ANKRD54: variants seen among roughly 807,000 people sequenced by gnomAD.
The protein encoded by ANKRD54 is ankyrin repeat domain 54.
ANKRD54 carries 26 observed loss-of-function variants against 36.2 expected under a neutral mutation model. That is an observed-to-expected ratio of 0.72 (90% CI 0.53 to 1.00). ANKRD54 has a LOEUF of 1.00. ANKRD54 is among the 50% of genes least tolerant of loss of function. The pLI is 0.00. For missense variants in ANKRD54, 384 were observed against 424.3 expected (o/e 0.91, Z 0.83); for synonymous variants, 209 against 188.4 (o/e 1.11, Z -0.89).
chr22:37,845,521 G>C (rs955442447), upstream of ANKRD54, among the ~76,000 whole-genome samples: 3 of 152,184 alleles, frequency 2.0e-5, no homozygotes, highest in Non-Finnish European at 4.4e-5. Context: ...CACCGGACCA[G>C]GTCTTGTGTC....
At chr22:37,845,554 A>G (rs16998545), upstream of ANKRD54, among the ~76,000 whole-genome samples, 7,874 of 152,200 alleles carry the variant, frequency 0.052, 653 homozygotes, top group African/African-American at 0.18. Context: ...CTTTCCATAT[A>G]TAAACCCTCC....
intron 3 of ANKRD54, among the ~76,000 whole-genome samples, chr22:37,836,356 G>T (rs1923532542): frequency 1.4e-5 from 2 of 138,602 alleles, no homozygotes; most frequent in Non-Finnish European, 3.0e-5. Context: ...TGAGGCAGGA[G>T]AATCACTTTA....
At chr22:37,839,289 A>G (rs1923927611) in intron 2 of ANKRD54, among the ~76,000 whole-genome samples, 1 of 152,224 alleles carries the variant, frequency 6.6e-6, no homozygotes, top group African/African-American at 2.4e-5. Context: ...GCCTTGAAGG[A>G]TATTCATCAA....
intron 2 of ANKRD54, among the ~76,000 whole-genome samples, chr22:37,839,838 A>G (rs192539805): frequency 1.8e-4 from 28 of 152,300 alleles, no homozygotes; most frequent in South Asian, 2.1e-4. Flanking sequence ...TAAGTTGAGT[A>G]TTCACTCCCA....
chr22:37,833,574 T>A, intron 4 of ANKRD54, 110 bp downstream of exon 4: 1 of 1,173,380 alleles, frequency 8.5e-7, no homozygotes, highest in South Asian at 1.3e-5. Context: ...CCTAGGATCT[T>A]CCCTGACACT....
chr22:37,838,335 A>G (rs1369119305), intron 3 of ANKRD54, among the ~76,000 whole-genome samples, 165 bp downstream of exon 3: 2 of 152,172 alleles, frequency 1.3e-5, no homozygotes, highest in African/African-American at 2.4e-5. Flanking sequence ...TGCCAGTTCC[A>G]CAGGCTAACA....
At chr22:37,844,422 A>G (rs1924702774), upstream of ANKRD54, 2 of 568,792 alleles carry the variant, frequency 3.5e-6, no homozygotes, top group Non-Finnish European at 5.9e-6. Flanking sequence ...CTACCCTTCC[A>G]GCTTAAACCG....
intron 3 of ANKRD54, chr22:37,834,078 C>T: frequency 3.2e-6 from 1 of 311,076 alleles, no homozygotes; most frequent in Non-Finnish European, 6.3e-6. Flanking sequence ...GCTTCTCCCA[C>T]AGCCAAGCAC....
At position 37,837,692 on chromosome 22, in the gene ANKRD54, G is replaced by A. The variant is rs554163689; in HGVS notation, c.475+808C>T. On this transcript the variant is annotated intron_variant, in intron 3 of 7. Coordinates refer to ENST00000215941, the MANE Select transcript of ANKRD54 (RefSeq NM_138797.4). ...GGGTGAATCTCATGGAGATAACTTT[G>A]AGTAAAAGTATGCAAGGCTGGTGCA... Among the ~76,000 whole-genome samples the A allele has an allele frequency of 2.6e-5, 4 of 152,300 alleles. No homozygotes were observed. The South Asian group carries it at 8.3e-4, about 32-fold the overall frequency.
chr22:37,832,973 A>G lies in ANKRD54; in HGVS notation c.705T>C (p.Arg235=). The G allele has an allele frequency of 6.2e-7, 1 of 1,613,824 alleles. No homozygotes were observed. Residue 235 remains arginine, a synonymous_variant, in exon 6 of 8, where the codon CGT becomes CGC. Transcript: ENST00000215941. ...GGGTACTCACCTGCTTCACCTCCAG[A>G]CGCACAGCCTCTAGGCACTGGGCAT... The part of the protein sequence containing the change: ...EGHAQCLEAV[R]LEVKQIIHML...
chr22:37,836,652 G>A (rs893449597), intron 3 of ANKRD54, among the ~76,000 whole-genome samples: 1 of 151,468 alleles, frequency 6.6e-6, no homozygotes, highest in Non-Finnish European at 1.5e-5. Context: ...CGGGTTGATG[G>A]GTACAGAAAA....
upstream of ANKRD54, chr22:37,844,394 A>G (rs1311941213): frequency 1.3e-6 from 1 of 751,524 alleles, no homozygotes; most frequent in Non-Finnish European, 2.0e-6. Context: ...AGGCCGAGAC[A>G]GAGCGGCGAA....
rs558499868 is a variant in ANKRD54, at chr22:37,844,070, C to T, written c.169G>A (p.Ala57Thr). ...GGGGAGLSGR[A>T]SGGAQSPLRY... ...AGCGGCGACTGGGCCCCGCCGGACG[C>T]CCGGCCCGAGAGGCCCGCGCCGCCG... Residue 57 changes from alanine (A) to threonine (T), a missense_variant, in exon 1 of 8, where the codon GCG becomes ACG. By Grantham distance (58) the Ala-to-Thr change is moderately conservative (BLOSUM62 0). This residue lies in a region of ANKRD54 where 195 missense variants were observed against 177.7 expected (regional missense o/e 1.10). Transcript: ENST00000215941. 8.1e-5 allele frequency: 117 copies of T among 1,438,534 alleles called. 2 individuals are homozygous for T. In the South Asian group the frequency reaches 1.5e-3, roughly 19 times the overall value. The allele number at this position is 1,438,534 out of a possible 1,614,324, so 89.1% of individuals were successfully genotyped here.
At chr22:37,849,298 C>A (rs775783842), upstream of ANKRD54, 75 of 947,666 alleles carry the variant, frequency 7.9e-5, no homozygotes, top group Non-Finnish European at 1.2e-4. Context: ...GGCTCCTCTT[C>A]CTTCTGGATA....
chr22:37,831,141 G>C lies in ANKRD54; in HGVS notation c.*802C>G, dbSNP rs572835133. ...CATCAAGCCCTCCTGAACAAGCTGG[G>C]ATAATCTTCCTGGCGAAAGATCCTT... On this transcript the variant is annotated 3_prime_UTR_variant, in exon 8 of 8. Transcript: ENST00000215941. The C allele has an allele frequency of 2.0e-5, 3 of 152,314 alleles. No individual in the cohort carries two copies. The highest frequency in any genetic ancestry group is 7.2e-5 in the African/African-American group (3 of 41,544). 9.4% of individuals were successfully genotyped at this position (152,314 alleles called of 1,614,324 possible). A position where few individuals can be genotyped will look rare whatever the true frequency, so the allele number is the denominator to read the frequency against.
At chr22:37,849,315 T>G (rs760281220), upstream of ANKRD54, 13 of 1,073,926 alleles carry the variant, frequency 1.2e-5, no homozygotes, top group African/African-American at 1.6e-5. Flanking sequence ...GATATGGCTG[T>G]CTCAGATGGC....
Position 37,831,022 on chromosome 22 carries a change from C to G in ANKRD54, c.*921G>C, listed in dbSNP as rs990693586. ...GGTGGCCTGGACTCTGTGGCTTGAG[C>G]TGCCCTCCTCAACTCCAGTTTCCTG... On this transcript the variant is annotated 3_prime_UTR_variant, in exon 8 of 8. Coordinates refer to ENST00000215941, the MANE Select transcript of ANKRD54 (RefSeq NM_138797.4). 3.3e-5 allele frequency: 5 copies of G among 152,364 alleles called. No homozygotes were observed. Among genetic ancestry groups the G allele is most frequent in the East Asian group, 1.9e-4 (1 of 5,204 alleles). 9.4% of individuals were successfully genotyped at this position (152,364 alleles called of 1,614,324 possible). A position where few individuals can be genotyped will look rare whatever the true frequency, so the allele number is the denominator to read the frequency against.
chr22:37,849,137 C>T (rs1218251020), upstream of ANKRD54: 1 of 456,352 alleles, frequency 2.2e-6, no homozygotes, highest in African/African-American at 2.0e-5. Flanking sequence ...CAGGCATGCG[C>T]CACCACTCCC....
chr22:37,837,255 A>G (rs990129208), intron 3 of ANKRD54, among the ~76,000 whole-genome samples: 1 of 152,156 alleles, frequency 6.6e-6, no homozygotes, highest in African/African-American at 2.4e-5. Flanking sequence ...AGTAGTACCT[A>G]CTAAAGCTAA....
Sources: gnomAD v4.1 joint callset for allele counts (sites outside exome capture counted in the v4.1 genomes callset) on GRCh38, gnomAD v4.1.1 for gene constraint, gnomAD v4.1.1 regional missense constraint, MANE v1.5 for transcripts, NCBI Gene and HGNC (gene_info 2026-07-23, HGNC 2026-07-21) for gene names.